The following EIPR1 variants were observed in gnomAD, a reference collection of about 807,000 sequenced individuals.
EIPR1 encodes EARP complex and GARP complex interacting protein 1, also known as EARP and GARP complex-interacting protein 1.
EIPR1 carries 25 observed loss-of-function variants against 48.1 expected under a neutral mutation model. The ratio of observed to expected loss-of-function variants is 0.52; its 90% CI spans 0.38 to 0.73. The LOEUF is 0.73. Among genes scored for constraint, EIPR1 ranks in the 30% least tolerant of loss-of-function variants. The probability of loss-of-function intolerance (pLI) is 0.00; values close to 1 mark genes in which losing one functional copy is unlikely to be tolerated. For missense variants in EIPR1, 415 were observed against 506.2 expected, an observed-to-expected ratio of 0.82 and a Z score of 1.73; for synonymous variants, 204 against 201.9, an observed-to-expected ratio of 1.01 and a Z score of -0.09.
intron 4 of EIPR1, among the ~76,000 whole-genome samples, chr2:3,254,820 T>C (rs2602747): frequency 0.56 from 84,467 of 152,016 alleles, 23,812 homozygotes; most frequent in East Asian, 0.75. Context: ...ACACAATAAA[T>C]GGCACAGATG....
intron 4 of EIPR1, among the ~76,000 whole-genome samples, chr2:3,226,789 T>A (rs1022931899): frequency 6.6e-6 from 1 of 152,218 alleles, no homozygotes; most frequent in Admixed American, 6.5e-5. Flanking sequence ...GATGGTATCA[T>A]GGGGACAGGT....
rs368534176 is a variant in EIPR1, at chr2:3,219,405, CAGTG to C, written c.417-5161_417-5158del. Reference sequence around the variant, plus strand: ...GCCCTGATACGTTCTAGAGCTTTCACAGTGAGTGAGTCAGGTGCACACTCAACAC... The same window carrying C: ...GCCCTGATACGTTCTAGAGCTTTCACAGTGAGTCAGGTGCACACTCAACAC... On this transcript the variant is annotated intron_variant, in intron 4 of 8. Coordinates refer to ENST00000382125, the MANE Select transcript of EIPR1 (RefSeq NM_003310.5). Among the ~76,000 whole-genome samples the C allele has an allele frequency of 8.7e-4, 127 of 146,620 alleles. 1 individual carries two copies. The highest frequency in any genetic ancestry group is 5.7e-3 in the East Asian group (27 of 4,698).
At chr2:3,247,694 T>C (rs1413297258) in intron 4 of EIPR1, among the ~76,000 whole-genome samples, 3 of 152,192 alleles carry the variant, frequency 2.0e-5, no homozygotes, top group African/African-American at 7.2e-5. Context: ...ACACTCTACA[T>C]ATTGATAAGA....
In EIPR1 at chr2:3,214,014, G is replaced by A. The variant is rs551257149; in HGVS notation, c.516+135C>T. The stretch of plus-strand genomic sequence containing the variant: ...ATCCCTCCCGCTCCCCCAACCCCAC[G>A]ACAGGCCCTGGTGTGTGATGTTCCC... On this transcript the variant is annotated intron_variant, in intron 5 of 8. Coordinates refer to ENST00000382125, the MANE Select transcript of EIPR1 (RefSeq NM_003310.5). 82 of 518,496 alleles carry A rather than the reference G, an allele frequency of 1.6e-4. 2 individuals are homozygous for A. Among genetic ancestry groups the A allele is most frequent in the East Asian group, 4.3e-4 (10 of 23,188 alleles). The allele number at this position is 518,496 out of a possible 1,614,324, so 32.1% of individuals were successfully genotyped here.
intron 5 of EIPR1, among the ~76,000 whole-genome samples, chr2:3,213,551 T>A (rs4854142): frequency 2.6e-5 from 4 of 152,128 alleles, no homozygotes; most frequent in African/African-American, 9.7e-5. Flanking sequence ...CCCAAATATA[T>A]TTTAAGAATC....
At chr2:3,351,004 ATTT>A (rs71396979) in intron 2 of EIPR1, among the ~76,000 whole-genome samples, 2 of 135,312 alleles carry the variant, frequency 1.5e-5, no homozygotes. Flanking sequence ...ATTTTGGGCG[ATTT>A]TTTTTTTTTT....
rs777470938 is a variant in EIPR1, at chr2:3,257,322, G to T, written c.393C>A (p.Asn131Lys). ...QTLELLCHLDNTAHGNMACVV... is the reference protein window; with the variant it reads ...QTLELLCHLDKTAHGNMACVV... ...ACCAGGCCATGTTGCCATGGGCTGT[G>T]TTGTCAAGGTGACAGAGCAGCTCCA... Residue 131 changes from asparagine (N) to lysine (K), a missense_variant, in exon 4 of 9, where the codon AAC (asparagine) becomes AAA (lysine). By Grantham distance (94) the Asn-to-Lys change is moderately conservative (BLOSUM62 0). Coordinates refer to ENST00000382125, the MANE Select transcript of EIPR1 (RefSeq NM_003310.5). The T allele has an allele frequency of 8.1e-6, 13 of 1,613,948 alleles. 1 individual carries two copies. Among genetic ancestry groups the T allele is most frequent in the Non-Finnish European group, 1.1e-5 (13 of 1,179,954 alleles).
intron 4 of EIPR1, among the ~76,000 whole-genome samples, chr2:3,222,352 G>A (rs952205179): frequency 2.0e-5 from 3 of 152,212 alleles, no homozygotes; most frequent in Admixed American, 6.5e-5. Context: ...TGGGCCAAGG[G>A]ATATACTTCT....
At chr2:3,317,199 T>G (rs1343588370) in intron 3 of EIPR1, among the ~76,000 whole-genome samples, 2 of 148,896 alleles carry the variant, frequency 1.3e-5, no homozygotes, top group Non-Finnish European at 3.0e-5. Flanking sequence ...GCACATGGGG[T>G]GGAGCACAGA....
intron 5 of EIPR1, among the ~76,000 whole-genome samples, chr2:3,197,298 C>G (rs944255003): frequency 6.6e-6 from 1 of 152,174 alleles, no homozygotes; most frequent in East Asian, 1.9e-4. Flanking sequence ...ATAATCAACT[C>G]GAACTTGAAG....
At chr2:3,305,425 C>A (rs1250829187) in intron 3 of EIPR1, among the ~76,000 whole-genome samples, 3 of 151,344 alleles carry the variant, frequency 2.0e-5, no homozygotes, top group Non-Finnish European at 4.4e-5. Flanking sequence ...TCTAGTTCAA[C>A]CTTCCACTCC....
At chr2:3,274,878 T>C (rs1207171437) in intron 3 of EIPR1, among the ~76,000 whole-genome samples, 1 of 152,104 alleles carries the variant, frequency 6.6e-6, no homozygotes, top group African/African-American at 2.4e-5. Flanking sequence ...ATGTTAAATA[T>C]GAATAACAAC....
At chr2:3,256,449 C>G (rs894881421) in intron 4 of EIPR1, among the ~76,000 whole-genome samples, 2 of 152,170 alleles carry the variant, frequency 1.3e-5, no homozygotes, top group African/African-American at 4.8e-5. Context: ...TAACTTGTCA[C>G]CTTGGTGTCC....
intron 2 of EIPR1, among the ~76,000 whole-genome samples, chr2:3,342,252 T>C (rs1377022171): frequency 6.6e-6 from 1 of 152,236 alleles, no homozygotes; most frequent in Non-Finnish European, 1.5e-5. Flanking sequence ...AAAAGCAGGC[T>C]ATAAAATGGC....
intron 1 of EIPR1, among the ~76,000 whole-genome samples, chr2:3,367,762 C>A (rs932613043): frequency 6.6e-6 from 1 of 152,158 alleles, no homozygotes; most frequent in African/African-American, 2.4e-5. Flanking sequence ...AAAACTTAAT[C>A]TCTCGGCTGG....
At chr2:3,233,061 C>T (rs1311741217) in intron 4 of EIPR1, among the ~76,000 whole-genome samples, 2 of 152,200 alleles carry the variant, frequency 1.3e-5, no homozygotes, top group Non-Finnish European at 2.9e-5. Context: ...GTCTCTCATA[C>T]TCCCACCCAC....
At chr2:3,224,901 G>A (rs530460847) in intron 4 of EIPR1, among the ~76,000 whole-genome samples, 59 of 152,322 alleles carry the variant, frequency 3.9e-4, no homozygotes, top group Non-Finnish European at 4.7e-4. Context: ...TCCCAGCACC[G>A]GAGCTCCTCC....
intron 2 of EIPR1, among the ~76,000 whole-genome samples, chr2:3,344,246 A>G (rs73910511): frequency 0.028 from 4,332 of 152,332 alleles, 95 homozygotes; most frequent in Middle Eastern, 0.11. Flanking sequence ...CACGTCATCC[A>G]TGACTAAAAC....
intron 4 of EIPR1, among the ~76,000 whole-genome samples, chr2:3,240,524 A>G (rs1666574770): frequency 6.6e-6 from 1 of 151,636 alleles, no homozygotes; most frequent in African/African-American, 2.4e-5. Flanking sequence ...CCTAAAGCAA[A>G]GCCAGCAGAT....
Sources: allele counts gnomAD v4.1 joint callset (sites outside exome capture counted in the v4.1 genomes callset), GRCh38; gene constraint gnomAD v4.1.1; transcripts MANE v1.5; gene names NCBI Gene and HGNC (gene_info 2026-07-23, HGNC 2026-07-21).